The following OSBPL6 variants were observed in gnomAD, a reference collection of about 807,000 sequenced individuals.
OSBPL6 encodes the protein oxysterol-binding protein-related protein 6.
OSBPL6 carries 49 observed loss-of-function variants against 125.8 expected under a neutral mutation model. The ratio of observed to expected loss-of-function variants is 0.39; its 90% CI spans 0.31 to 0.49. The LOEUF is 0.49. OSBPL6 is among the 20% of genes least tolerant of loss of function. The probability of loss-of-function intolerance (pLI) is 0.88; values close to 1 mark genes in which losing one functional copy is unlikely to be tolerated. For synonymous variants in OSBPL6, 394 were observed against 391.8 expected, an observed-to-expected ratio of 1.01 and a Z score of -0.07; for missense variants, 986 against 1,135.4, an observed-to-expected ratio of 0.87 and a Z score of 1.89.
In OSBPL6 at chr2:178,384,068, A is replaced by G; in HGVS notation, c.1905A>G (p.Gly635=). 1.2e-6 allele frequency: 2 copies of G among 1,614,024 alleles called. No individual in the cohort carries two copies. Among genetic ancestry groups the G allele is most frequent in the African/African-American group, 1.3e-5 (1 of 75,034 alleles). The stretch of plus-strand genomic sequence containing the variant: ...TCGTTGCCGCATTTGCAGTTTCAGG[A>G]TACTGCTCCACCTATTTCAGAGCAG... ...MVLVAAFAVS[G]YCSTYFRAGS... The change falls in exon 18 of 25, where the codon GGA becomes GGG. Residue 635 remains glycine (G), a synonymous_variant. Coordinates refer to ENST00000190611, the MANE Select transcript of OSBPL6 (RefSeq NM_032523.4).
chr2:178,344,449 T>A lies in OSBPL6; in HGVS notation c.987+4685T>A, dbSNP rs1574925695. ...TCCCCTGTCCTGATGGTGCCACTGG[T>A]GTGTGATGGCATCACCTGTAGCCCA... On this transcript the variant is annotated intron_variant, in intron 11 of 24. Transcript: ENST00000190611. 5 of 1,271,552 alleles carry A rather than the reference T, an allele frequency of 3.9e-6. No homozygotes were observed. The East Asian group carries it at 1.2e-4, about 30-fold the overall frequency. 78.8% of individuals were successfully genotyped at this position (1,271,552 alleles called of 1,614,324 possible).
At chr2:178,320,792 A>G (rs1688168451) in intron 3 of OSBPL6, among the ~76,000 whole-genome samples, 1 of 152,216 alleles carries the variant, frequency 6.6e-6, no homozygotes, top group Non-Finnish European at 1.5e-5. Context: ...TTAATCCGCT[A>G]GATTTTCCTG....
chr2:178,359,556 A>G (rs1692132147), intron 12 of OSBPL6, among the ~76,000 whole-genome samples: 3 of 152,222 alleles, frequency 2.0e-5, no homozygotes, highest in Non-Finnish European at 4.4e-5. Flanking sequence ...TTCTGGGCAT[A>G]TATCTACAGG....
intron 15 of OSBPL6, among the ~76,000 whole-genome samples, chr2:178,377,747 G>A (rs554347275): frequency 1.3e-5 from 2 of 152,154 alleles, no homozygotes; most frequent in African/African-American, 2.4e-5. Flanking sequence ...CTTACTCAAA[G>A]GTCACCTCCA....
chr2:178,254,136 G>A (rs1332771146), intron 1 of OSBPL6, among the ~76,000 whole-genome samples: 2 of 152,184 alleles, frequency 1.3e-5, no homozygotes, highest in Non-Finnish European at 2.9e-5. Context: ...GCTTATGCCT[G>A]TAATCCCAAC....
At chr2:178,199,628 T>C (rs1339614293) in intron 1 of OSBPL6, among the ~76,000 whole-genome samples, 1 of 151,562 alleles carries the variant, frequency 6.6e-6, no homozygotes. Context: ...AAACTAATGC[T>C]ATTAAGGGGC....
In OSBPL6 at chr2:178,401,775, T is replaced by C. The variant is rs1319221135; in HGVS notation, c.*6216T>C. ...ATTCTGAGTCCACAGATCTAGGGTG[T>C]GGACCGAGAATCCTCATTGTAACAA... On this transcript the variant is annotated 3_prime_UTR_variant, in exon 25 of 25. Transcript: ENST00000190611. The C allele has an allele frequency of 2.0e-5, 3 of 152,244 alleles. No homozygotes were observed. Among genetic ancestry groups the C allele is most frequent in the Non-Finnish European group, 4.4e-5 (3 of 68,066 alleles). The allele number at this position is 152,244 out of a possible 1,614,324, so 9.4% of individuals were successfully genotyped here. A position where few individuals can be genotyped will look rare whatever the true frequency, so the allele number is the denominator to read the frequency against.
chr2:178,208,095 GC>G (rs1224543381), intron 1 of OSBPL6, among the ~76,000 whole-genome samples: 1 of 151,966 alleles, frequency 6.6e-6, no homozygotes, highest in African/African-American at 2.4e-5. Flanking sequence ...GACCAGCCTG[GC>G]CAACATGGTG....
intron 1 of OSBPL6, among the ~76,000 whole-genome samples, chr2:178,194,988 T>C (rs981857407): frequency 6.6e-6 from 1 of 152,070 alleles, no homozygotes; most frequent in African/African-American, 2.4e-5. Context: ...CGCCTGCCAC[T>C]AGCGCTCGCA....
At chr2:178,275,994 AG>A (rs1285462593) in intron 1 of OSBPL6, among the ~76,000 whole-genome samples, 2 of 152,244 alleles carry the variant, frequency 1.3e-5, no homozygotes, top group African/African-American at 4.8e-5. Flanking sequence ...AATTAGCAGT[AG>A]CATTGTTAAG....
chr2:178,234,294 A>G (rs560733065), intron 1 of OSBPL6, among the ~76,000 whole-genome samples: 32 of 152,336 alleles, frequency 2.1e-4, no homozygotes, highest in African/African-American at 7.2e-4. Flanking sequence ...GGTTGTCATC[A>G]TTAAATATTT....
chr2:178,229,783 GCTAGCA>G (rs1391044506), intron 1 of OSBPL6, among the ~76,000 whole-genome samples: 1 of 152,216 alleles, frequency 6.6e-6, no homozygotes, highest in Admixed American at 6.5e-5. Context: ...TAAGCCTCAT[GCTAGCA>G]CTACTGCACT....
intron 1 of OSBPL6, among the ~76,000 whole-genome samples, chr2:178,210,823 A>C (rs390996): frequency 0.055 from 7,959 of 145,452 alleles, 483 homozygotes; most frequent in African/African-American, 0.16. Flanking sequence ...AAAAAAAAAA[A>C]ACACACACAC....
chr2:178,307,482 C>A (rs1056838144), intron 3 of OSBPL6, among the ~76,000 whole-genome samples: 1 of 152,078 alleles, frequency 6.6e-6, no homozygotes, highest in African/African-American at 2.4e-5. Context: ...AGTTCAAAGA[C>A]GACACCTATA....
At chr2:178,383,650 C>T (rs777785239) in intron 17 of OSBPL6, among the ~76,000 whole-genome samples, 5 of 152,172 alleles carry the variant, frequency 3.3e-5, no homozygotes, top group African/African-American at 7.2e-5. Context: ...ACCCTTTATC[C>T]CATATGGCTG....
intron 13 of OSBPL6, among the ~76,000 whole-genome samples, chr2:178,365,784 G>A (rs1165773553): frequency 1.3e-5 from 2 of 152,170 alleles, no homozygotes; most frequent in East Asian, 1.9e-4. Context: ...TCACACTTGA[G>A]AGGGAGCCTG....
intron 13 of OSBPL6, among the ~76,000 whole-genome samples, chr2:178,366,255 A>C (rs1692816229): frequency 6.6e-6 from 1 of 152,232 alleles, no homozygotes; most frequent in Non-Finnish European, 1.5e-5. Flanking sequence ...AAACTAAGGC[A>C]ACCTCAGCAC....
intron 15 of OSBPL6, among the ~76,000 whole-genome samples, chr2:178,376,045 C>T (rs903449416): frequency 2.0e-5 from 3 of 152,118 alleles, no homozygotes; most frequent in Non-Finnish European, 4.4e-5. Flanking sequence ...GAGACATTCA[C>T]TGTGAGGCAT....
intron 22 of OSBPL6, among the ~76,000 whole-genome samples, chr2:178,391,543 A>G (rs1695407144): frequency 6.6e-6 from 1 of 152,236 alleles, no homozygotes; most frequent in African/African-American, 2.4e-5. Flanking sequence ...TAATTGAAGT[A>G]TACAAACTTA....
Sources: gnomAD v4.1 joint callset for allele counts (sites outside exome capture counted in the v4.1 genomes callset) on GRCh38, gnomAD v4.1.1 for gene constraint, MANE v1.5 for transcripts, NCBI Gene and HGNC (gene_info 2026-07-23, HGNC 2026-07-21) for gene names.